Variants in TANC1 observed in about 807,000 individuals in gnomAD.
The protein encoded by TANC1 is tetratricopeptide repeat, ankyrin repeat and coiled-coil containing 1, also known as protein TANC1.
TANC1 carries 77 observed loss-of-function variants against 149.7 expected under a neutral mutation model. The observed-to-expected ratio is 0.51, with a 90% confidence interval of 0.43 to 0.62. The LOEUF (loss-of-function observed/expected upper bound fraction) is 0.62. TANC1 is among the 20% of genes least tolerant of loss of function. TANC1 has a pLI of 0.00. For missense variants in TANC1, 1,985 were observed against 2,321.8 expected (o/e 0.85, Z 2.98); for synonymous variants, 854 against 925.0 (o/e 0.92, Z 1.39).
intron 3 of TANC1, among the ~76,000 whole-genome samples, chr2:159,066,793 T>G (rs1419421993): frequency 1.3e-5 from 2 of 152,232 alleles, no homozygotes; most frequent in African/African-American, 4.8e-5. Context: ...TCATTCTTGT[T>G]TGTAGAGTTC....
intron 2 of TANC1, chr2:159,056,609 CT>C: frequency 6.3e-6 from 1 of 159,316 alleles, no homozygotes; most frequent in Non-Finnish European, 1.4e-5. Flanking sequence ...GCCACTGCGC[CT>C]GGCCAGGTTT....
chr2:159,205,230 C>T (rs1012981946), intron 19 of TANC1, among the ~76,000 whole-genome samples: 9 of 152,210 alleles, frequency 5.9e-5, no homozygotes, highest in South Asian at 4.1e-4. Flanking sequence ...CAGGCGTGGA[C>T]GGTGGGCTTC....
chr2:159,214,733 G>C (rs2059238192), intron 19 of TANC1, among the ~76,000 whole-genome samples: 1 of 152,138 alleles, frequency 6.6e-6, no homozygotes, highest in African/African-American at 2.4e-5. Flanking sequence ...ATAAGGCCTG[G>C]GGAGCTGGGA....
Position 159,230,493 on chromosome 2 carries a change from A to T in TANC1, c.5067A>T (p.Ser1689=). The T allele has an allele frequency of 6.2e-7, 1 of 1,614,208 alleles. No homozygotes were observed. The highest frequency in any genetic ancestry group is 8.5e-7 in the Non-Finnish European group (1 of 1,180,046). ...GTTTGACTTCGAGCAGCAGTTTTTCAGATGGCTTCAAGGTCCAAGGACCAG... is the reference window on the plus strand; with the variant it reads ...GTTTGACTTCGAGCAGCAGTTTTTCTGATGGCTTCAAGGTCCAAGGACCAG... The part of the protein sequence containing the change: ...TSSLTSSSSF[S]DGFKVQGPDT... The change falls in exon 27 of 27, where the codon TCA becomes TCT. Residue 1689 remains serine (S), a synonymous_variant. Transcript: ENST00000263635. This position sits in a 1 kb window ranked among gnomAD's most constrained non-coding sequence, Gnocchi z 4.4.
intron 1 of TANC1, among the ~76,000 whole-genome samples, chr2:158,991,985 G>A (rs1002514819): frequency 8.5e-5 from 13 of 152,222 alleles, no homozygotes; most frequent in Non-Finnish European, 4.4e-5. Flanking sequence ...TCTTCCATCT[G>A]TGCTCTCACA....
At chr2:159,111,709 G>C (rs531494630) in intron 4 of TANC1, among the ~76,000 whole-genome samples, 160 of 152,276 alleles carry the variant, frequency 1.1e-3, no homozygotes, top group Non-Finnish European at 1.6e-3. Flanking sequence ...CCTCCTCTTA[G>C]AGTGCACACA....
At chr2:159,115,591 A>G (rs1317908574) in intron 4 of TANC1, among the ~76,000 whole-genome samples, 1 of 152,166 alleles carries the variant, frequency 6.6e-6, no homozygotes, top group African/African-American at 2.4e-5. Context: ...AATGGAATCA[A>G]TGAACTGTCC....
chr2:159,159,213 A>G (rs1437263060), intron 7 of TANC1, among the ~76,000 whole-genome samples: 4 of 152,126 alleles, frequency 2.6e-5, no homozygotes, highest in Non-Finnish European at 4.4e-5. Context: ...TAGGAGGCCA[A>G]GGTGGGTGGA....
chr2:159,228,247 A>G, intron 25 of TANC1: 1 of 381,830 alleles, frequency 2.6e-6, no homozygotes, highest in South Asian at 3.7e-5. Context: ...GCTTCCCAAC[A>G]CTGTTGCTGC....
intron 16 of TANC1, among the ~76,000 whole-genome samples, chr2:159,194,020 A>G (rs1406229779): frequency 1.3e-5 from 2 of 151,842 alleles, no homozygotes; most frequent in Non-Finnish European, 2.9e-5. Context: ...CTGGGGCAGT[A>G]GTTCTATTTT....
chr2:159,117,937 G>A (rs371633154), intron 4 of TANC1, among the ~76,000 whole-genome samples: 1 of 146,882 alleles, frequency 6.8e-6, no homozygotes, highest in East Asian at 2.0e-4. Context: ...GAGTTTTTCT[G>A]TACTGGAGTT....
intron 19 of TANC1, among the ~76,000 whole-genome samples, chr2:159,204,421 G>C (rs1388608451): frequency 6.6e-6 from 1 of 152,228 alleles, no homozygotes; most frequent in Non-Finnish European, 1.5e-5. Context: ...GGCATGGTGG[G>C]CTGCTGGTTT....
Position 159,074,437 on chromosome 2 carries a change from A to G in TANC1, c.61+8466A>G, listed in dbSNP as rs977158088. On this transcript the variant is annotated intron_variant, in intron 3 of 26. Coordinates refer to ENST00000263635, the MANE Select transcript of TANC1 (RefSeq NM_033394.3). ...TTTGAGATCTTGTCTGGGTTTTTGT[A>G]GATCACGAAACTGGCTGATAGCAGA... Among the ~76,000 whole-genome samples, 4 of 152,162 alleles carry G rather than the reference A, an allele frequency of 2.6e-5. No individual in the cohort carries two copies. The South Asian group carries it at 8.3e-4, about 32-fold the overall frequency.
chr2:159,206,592 C>T (rs921568192), intron 19 of TANC1, among the ~76,000 whole-genome samples: 1 of 152,200 alleles, frequency 6.6e-6, no homozygotes, highest in Non-Finnish European at 1.5e-5. Context: ...TGAGTGATTC[C>T]TGAGTATTTA....
rs1199459296 is a variant in TANC1, at chr2:159,096,331, A to C, written c.62-1306A>C. ...TTTTTTGGGAGACTAGTTCCAGCCA[A>C]GATACTCTTTCTTGTATATATTTTT... On this transcript the variant is annotated intron_variant, in intron 3 of 26. Coordinates refer to ENST00000263635, the MANE Select transcript of TANC1 (RefSeq NM_033394.3). Among the ~76,000 whole-genome samples the C allele has an allele frequency of 3.3e-5, 5 of 149,496 alleles. No individual in the cohort carries two copies. The East Asian group carries it at 5.8e-4, about 17-fold the overall frequency.
At chr2:159,174,256 A>G (rs1177023066) in intron 11 of TANC1, among the ~76,000 whole-genome samples, 1 of 152,084 alleles carries the variant, frequency 6.6e-6, no homozygotes, top group Non-Finnish European at 1.5e-5. Flanking sequence ...CAGCCTGCTG[A>G]CACTGCAGGT....
At chr2:159,136,039 TGTGTGTGTGTGCGCGCGC>T (rs1211104632) in intron 4 of TANC1, among the ~76,000 whole-genome samples, 137 bp from the exon 5 acceptor site, 2 of 54,022 alleles carry the variant, frequency 3.7e-5, no homozygotes, top group African/African-American at 5.3e-5. Flanking sequence ...TGTGTGTGTG[TGTGTGTGTGTGCGCGCGC>T]GCGCGTTTAA....
At chr2:159,062,717 CAGCACTTTGGGAG>C (rs946664249) in intron 2 of TANC1, among the ~76,000 whole-genome samples, 1 of 151,910 alleles carries the variant, frequency 6.6e-6, no homozygotes, top group Non-Finnish European at 1.5e-5. Flanking sequence ...CCTGTAATCC[CAGCACTTTGGGAG>C]GCCGAGGCGG....
chr2:159,024,812 G>A (rs2039128823), intron 2 of TANC1, among the ~76,000 whole-genome samples: 1 of 151,866 alleles, frequency 6.6e-6, no homozygotes, highest in South Asian at 2.1e-4. Context: ...CCTTTTCTAT[G>A]TTTAGATATG....
Sources: gnomAD v4.1 joint callset for allele counts (sites outside exome capture counted in the v4.1 genomes callset) on GRCh38, gnomAD v4.1.1 for gene constraint, Gnocchi (gnomAD v3.1) non-coding constraint, MANE v1.5 for transcripts, NCBI Gene and HGNC (gene_info 2026-07-23, HGNC 2026-07-21) for gene names.